Variants in TCF12 observed in about 807,000 individuals in gnomAD.
TCF12 encodes the protein DNA-binding protein HTF4.
Under a neutral mutation model 86.0 loss-of-function variants are expected in TCF12, and 45 were observed. That is an observed-to-expected ratio of 0.52 (90% CI 0.41 to 0.67). TCF12 has a LOEUF of 0.67. TCF12 is among the 30% of genes least tolerant of loss of function. TCF12 has a pLI of 0.00. For synonymous variants in TCF12, 330 were observed against 299.6 expected, an observed-to-expected ratio of 1.10 and a Z score of -1.05; for missense variants, 881 against 859.9, an observed-to-expected ratio of 1.02 and a Z score of -0.31.
intron 3 of TCF12, among the ~76,000 whole-genome samples, chr15:56,965,445 A>G (rs2061960309): frequency 6.6e-6 from 1 of 152,198 alleles, no homozygotes; most frequent in Admixed American, 6.5e-5. Flanking sequence ...TTTTGGTACT[A>G]CAAAAACTTT....
At chr15:56,966,088 A>G (rs1034410760) in intron 3 of TCF12, among the ~76,000 whole-genome samples, 50 of 152,248 alleles carry the variant, frequency 3.3e-4, no homozygotes, top group African/African-American at 1.1e-3. Flanking sequence ...GTTGAAAGGA[A>G]TGTTTGATTA....
intron 5 of TCF12, among the ~76,000 whole-genome samples, chr15:57,096,644 T>C (rs746673391): frequency 1.3e-4 from 20 of 152,304 alleles, no homozygotes; most frequent in Non-Finnish European, 2.6e-4. Context: ...ATAGTTCTTA[T>C]GTTGGATTGT....
intron 13 of TCF12, chr15:57,251,108 G>T: frequency 4.9e-6 from 2 of 406,888 alleles, no homozygotes; most frequent in South Asian, 7.3e-5. Flanking sequence ...CAAACATAAA[G>T]GTAGCTGTAT....
At position 57,190,578 on chromosome 15, in the gene TCF12, C is replaced by T. The variant is rs117293255; in HGVS notation, c.391-1580C>T. On this transcript the variant is annotated intron_variant, in intron 6 of 20. Transcript: ENST00000333725. ...CCCCTTCCTTTTGAGGTCTTCTTTCCCTCTCCTGTCTTTCAAGTCTCTGTG... is the reference window on the plus strand; with the variant it reads ...CCCCTTCCTTTTGAGGTCTTCTTTCTCTCTCCTGTCTTTCAAGTCTCTGTG... Among the ~76,000 whole-genome samples, 6 of 152,138 alleles carry T rather than the reference C, an allele frequency of 3.9e-5. No individual in the cohort carries two copies. The East Asian group carries it at 1.2e-3, about 29-fold the overall frequency.
intron 6 of TCF12, among the ~76,000 whole-genome samples, chr15:57,191,135 G>T (rs1201571856): frequency 6.6e-6 from 1 of 152,112 alleles, no homozygotes; most frequent in Non-Finnish European, 1.5e-5. Context: ...TGGTGAGGAG[G>T]ACTCTCAAAC....
chr15:57,211,711 T>G (rs2058106610), intron 8 of TCF12, among the ~76,000 whole-genome samples: 1 of 152,242 alleles, frequency 6.6e-6, no homozygotes. Flanking sequence ...CTCAGCACTT[T>G]GGGAAGTCGA....
chr15:57,274,967 A>G (rs1338170802), intron 19 of TCF12, among the ~76,000 whole-genome samples: 1 of 152,218 alleles, frequency 6.6e-6, no homozygotes, highest in Non-Finnish European at 1.5e-5. Flanking sequence ...TAAATAAAAC[A>G]TAAATTCTAC....
At chr15:57,017,956 A>G (rs2065250438) in intron 3 of TCF12, among the ~76,000 whole-genome samples, 1 of 152,194 alleles carries the variant, frequency 6.6e-6, no homozygotes, top group Admixed American at 6.5e-5. Flanking sequence ...ACCTCCATGT[A>G]TCACAAACTC....
chr15:57,065,692 A>G (rs113989161), intron 4 of TCF12, among the ~76,000 whole-genome samples: 6,193 of 148,970 alleles, frequency 0.042, 359 homozygotes, highest in African/African-American at 0.13. Flanking sequence ...AATGTATCCA[A>G]ACACTTATGT....
intron 5 of TCF12, among the ~76,000 whole-genome samples, chr15:57,119,117 G>A (rs1234703974): frequency 6.6e-6 from 1 of 151,324 alleles, no homozygotes; most frequent in Non-Finnish European, 1.5e-5. Context: ...TTTTTGTGAC[G>A]GAGTCTCACT....
intron 3 of TCF12, among the ~76,000 whole-genome samples, chr15:56,934,764 C>A (rs1443562011): frequency 2.6e-5 from 4 of 152,048 alleles, no homozygotes; most frequent in Non-Finnish European, 5.9e-5. Context: ...CTACTGGGTT[C>A]CTTTGGAACC....
Position 57,233,059 on chromosome 15 carries a change from A to G in TCF12, c.970+203A>G, listed in dbSNP as rs540979879. On this transcript the variant is annotated intron_variant, in intron 11 of 20. Transcript: ENST00000333725. ...TATATGTTATATATGTATATGTGTT[A>G]TATATGTATATGTGTGTTTTTTATA... Among the ~76,000 whole-genome samples, 83 of 122,920 alleles carry G rather than the reference A, an allele frequency of 6.8e-4. No individual in the cohort carries two copies. The Middle Eastern group carries it at 0.029, about 44-fold the overall frequency. The allele number at this position is 122,920 out of a possible 152,430, so 80.6% of individuals were successfully genotyped here. A position where few individuals can be genotyped will look rare whatever the true frequency, so the allele number is the denominator to read the frequency against.
intron 3 of TCF12, among the ~76,000 whole-genome samples, chr15:57,006,960 A>T (rs534941869): frequency 6.6e-6 from 1 of 152,302 alleles, no homozygotes; most frequent in African/African-American, 2.4e-5. Context: ...TATGGCAATT[A>T]ACAAGCTAGA....
chr15:57,265,090 TA>T (rs1193302398), intron 18 of TCF12, among the ~76,000 whole-genome samples: 2 of 144,404 alleles, frequency 1.4e-5, no homozygotes, highest in African/African-American at 5.1e-5. Context: ...TAGTATAGTA[TA>T]GTATAGTATA....
chr15:57,282,853 G>A (rs951869262), intron 20 of TCF12, among the ~76,000 whole-genome samples: 7 of 152,202 alleles, frequency 4.6e-5, no homozygotes, highest in Non-Finnish European at 1.0e-4. Flanking sequence ...GAGTCATCAT[G>A]TGTACTCTCT....
chr15:57,113,832 T>G (rs1375185821), intron 5 of TCF12, among the ~76,000 whole-genome samples: 1 of 150,680 alleles, frequency 6.6e-6, no homozygotes, highest in African/African-American at 2.4e-5. Context: ...GGCATGCACC[T>G]GTAGTCCCAG....
chr15:56,936,706 A>G (rs1167893184), intron 3 of TCF12, among the ~76,000 whole-genome samples: 1 of 152,158 alleles, frequency 6.6e-6, no homozygotes, highest in Non-Finnish European at 1.5e-5. Context: ...TGGTTTTCCA[A>G]TTATCCCAGC....
chr15:57,272,623 A>G (rs1358252013), intron 18 of TCF12, among the ~76,000 whole-genome samples: 1 of 152,242 alleles, frequency 6.6e-6, no homozygotes, highest in Admixed American at 6.5e-5. Context: ...TAATTCAGTA[A>G]GATGGGAGCA....
At chr15:57,173,162 A>G (rs1401310766) in intron 6 of TCF12, among the ~76,000 whole-genome samples, 2 of 152,182 alleles carry the variant, frequency 1.3e-5, no homozygotes, top group East Asian at 1.9e-4. Context: ...TAAATGACCC[A>G]TTGTTTTAAA....
Sources: gnomAD v4.1 joint callset for allele counts (sites outside exome capture counted in the v4.1 genomes callset) on GRCh38, gnomAD v4.1.1 for gene constraint, MANE v1.5 for transcripts, NCBI Gene and HGNC (gene_info 2026-07-23, HGNC 2026-07-21) for gene names.